APP: variants seen among roughly 807,000 people sequenced by gnomAD.
The protein encoded by APP is amyloid beta precursor protein, also known as amyloid-beta precursor protein.
In APP, 31 loss-of-function variants were observed where a neutral mutation model predicts 101.4. The observed-to-expected ratio is 0.31, with a 90% CI of 0.23 to 0.41. The LOEUF is 0.41. Ranked by LOEUF, APP falls within the 10% of genes least tolerant of loss-of-function variation. The probability of loss-of-function intolerance (pLI) is 1.00; values close to 1 mark genes in which losing one functional copy is unlikely to be tolerated. For missense variants in APP, 839 were observed against 1,003.7 expected, an observed-to-expected ratio of 0.84 and a Z score of 2.22; for synonymous variants, 366 against 364.4, an observed-to-expected ratio of 1.00 and a Z score of -0.05.
At chr21:25,955,054 AG>A (rs5843191) in intron 12 of APP, among the ~76,000 whole-genome samples, 152,038 of 152,038 alleles carry the variant, frequency 1, 76,019 homozygotes, top group Non-Finnish European at 1. Flanking sequence ...CTCTCTTAAC[AG>A]GACCCTCATG....
In APP at chr21:26,113,942, T is replaced by C. The variant is rs527982408; in HGVS notation, c.58-1796A>G. On this transcript the variant is annotated intron_variant, in intron 1 of 17. Transcript: ENST00000346798. ...CCTGTGGATAAGGCCCTACATCAGA[T>C]GCTATGGAGGGCCCTGCCCGTAAGG... 7.3e-4 allele frequency among the ~76,000 whole-genome samples: 111 copies of C among 152,286 alleles called. 1 individual carries two copies. Among genetic ancestry groups the C allele is most frequent in the African/African-American group, 2.6e-3 (107 of 41,556 alleles).
At chr21:26,110,738 AAAC>A (rs1321902643) in intron 2 of APP, among the ~76,000 whole-genome samples, 2 of 152,136 alleles carry the variant, frequency 1.3e-5, no homozygotes, top group Non-Finnish European at 2.9e-5. Context: ...AATATTAATT[AAAC>A]AACAAACATT....
Position 25,911,773 on chromosome 21 carries a change from G to T in APP, c.1877C>A (p.Ala626Asp). The change falls in exon 14 of 18, where the codon GCT becomes GAT. Residue 626 changes from alanine (A) to aspartate (D), a missense_variant. Ala to Asp is a moderately radical substitution (Grantham distance 126, BLOSUM62 -2). Transcript: ENST00000346798. The stretch of plus-strand genomic sequence containing the variant: ...TTCTGTGTTGGCTGGCACAGAGTCA[G>T]CCCCAAAAGAATGCCACGGCTGGAG... ...DDLQPWHSFG[A>D]DSVPANTENE... The T allele has an allele frequency of 1.2e-6, 2 of 1,614,100 alleles. No individual in the cohort carries two copies. The highest frequency in any genetic ancestry group is 1.7e-6 in the Non-Finnish European group (2 of 1,180,036).
intron 1 of APP, among the ~76,000 whole-genome samples, chr21:26,136,153 A>AGAAAT (rs2062900083): frequency 8.9e-6 from 1 of 112,538 alleles, no homozygotes; most frequent in Non-Finnish European, 1.7e-5. Context: ...AGAAAAGAAA[A>AGAAAT]GAAAAGAAAA....
chr21:26,041,086 G>A (rs1313292104), intron 5 of APP, among the ~76,000 whole-genome samples: 2 of 152,126 alleles, frequency 1.3e-5, no homozygotes, highest in East Asian at 1.9e-4. Flanking sequence ...AATTATTTTC[G>A]TAATAATTGC....
intron 14 of APP, among the ~76,000 whole-genome samples, chr21:25,911,359 T>C (rs1044112841): frequency 5.3e-5 from 8 of 152,202 alleles, no homozygotes; most frequent in African/African-American, 1.9e-4. Flanking sequence ...GAGTGTTCAC[T>C]CGAAGGATAA....
intron 16 of APP, among the ~76,000 whole-genome samples, chr21:25,892,598 C>T (rs963867762): frequency 3.9e-5 from 6 of 152,192 alleles, no homozygotes; most frequent in Non-Finnish European, 5.9e-5. Context: ...CTCATGCTTT[C>T]TAACTATTGT....
At chr21:26,054,773 C>G (rs2045976756) in intron 3 of APP, among the ~76,000 whole-genome samples, 1 of 151,888 alleles carries the variant, frequency 6.6e-6, no homozygotes, top group Non-Finnish European at 1.5e-5. Flanking sequence ...ACCCACAACT[C>G]CCACGGAGCA....
intron 5 of APP, among the ~76,000 whole-genome samples, chr21:26,027,978 T>C (rs991583572): frequency 6.6e-6 from 1 of 151,834 alleles, no homozygotes; most frequent in Admixed American, 6.6e-5. Context: ...GCAGATCACT[T>C]GGGGCCAGGA....
At chr21:25,895,843 T>C (rs1294591574) in intron 16 of APP, among the ~76,000 whole-genome samples, 1 of 152,248 alleles carries the variant, frequency 6.6e-6, no homozygotes, top group African/African-American at 2.4e-5. Flanking sequence ...AATACAAGTC[T>C]GGACATATGC....
chr21:25,978,400 C>T (rs2042301341), intron 9 of APP, among the ~76,000 whole-genome samples: 1 of 152,110 alleles, frequency 6.6e-6, no homozygotes. Flanking sequence ...TTAATTGATT[C>T]CTCACAACAG....
chr21:26,033,614 TGA>T (rs2044947317), intron 5 of APP, among the ~76,000 whole-genome samples: 1 of 152,156 alleles, frequency 6.6e-6, no homozygotes, highest in Non-Finnish European at 1.5e-5. Context: ...TTTCACAGGC[TGA>T]GGAGTCTGGA....
chr21:26,044,693 C>G (rs1451751562), intron 5 of APP, among the ~76,000 whole-genome samples: 1 of 152,172 alleles, frequency 6.6e-6, no homozygotes, highest in Admixed American at 6.5e-5. Context: ...GCATGCGCCA[C>G]CACGCCTAGC....
intron 3 of APP, among the ~76,000 whole-genome samples, chr21:26,081,859 G>C (rs773531302): frequency 5.3e-5 from 8 of 152,166 alleles, no homozygotes; most frequent in Non-Finnish European, 1.2e-4. Flanking sequence ...AATATGCCCT[G>C]AGTTATTGTA....
chr21:26,046,546 A>G (rs2045619079), intron 5 of APP, among the ~76,000 whole-genome samples: 1 of 152,076 alleles, frequency 6.6e-6, no homozygotes, highest in African/African-American at 2.4e-5. Flanking sequence ...GTTCAAAGAA[A>G]TAGAAAAAAA....
At chr21:25,941,067 A>T (rs1303433174) in intron 13 of APP, among the ~76,000 whole-genome samples, 1 of 152,240 alleles carries the variant, frequency 6.6e-6, no homozygotes, top group Non-Finnish European at 1.5e-5. Context: ...ACAAATGCAC[A>T]TGAGATTTGA....
rs144399205 is a variant in APP, at chr21:26,153,301, T to C, written c.57+17263A>G. On this transcript the variant is annotated intron_variant, in intron 1 of 17. Transcript: ENST00000346798. ...CCCCAAAAGCTACTGAAATAAAAAT[T>C]ATTCTCTCAAAAATTTTAAGCCCTA... Among the ~76,000 whole-genome samples, 426 of 152,238 alleles carry C rather than the reference T, an allele frequency of 2.8e-3. 1 individual carries two copies. Among genetic ancestry groups the C allele is most frequent in the African/African-American group, 0.01 (416 of 41,532 alleles).
At chr21:25,982,994 C>T (rs2042495858) in intron 8 of APP, among the ~76,000 whole-genome samples, 1 of 200 alleles carries the variant, frequency 5.0e-3, no homozygotes, top group Non-Finnish European at 0.02. Flanking sequence ...CTTCATGAGA[C>T]AGTATGGAAA....
chr21:25,995,959 G>A (rs1017124343), intron 8 of APP, among the ~76,000 whole-genome samples: 5 of 150,802 alleles, frequency 3.3e-5, no homozygotes, highest in East Asian at 1.9e-4. Context: ...TTTTTTTCAG[G>A]ATAATGTACA....
Sources: allele counts gnomAD v4.1 joint callset (sites outside exome capture counted in the v4.1 genomes callset), GRCh38; gene constraint gnomAD v4.1.1; transcripts MANE v1.5; gene names NCBI Gene and HGNC (gene_info 2026-07-23, HGNC 2026-07-21).